The following RTF1 variants were observed in gnomAD, a reference collection of about 807,000 sequenced individuals.
RTF1 encodes the protein RNA polymerase-associated protein RTF1 homolog.
In RTF1, 10 loss-of-function variants were observed where a neutral mutation model predicts 95.7. The observed-to-expected ratio is 0.10, with a 90% CI of 0.06 to 0.18. RTF1 has a LOEUF of 0.18. Among genes scored for constraint, RTF1 ranks in the 10% least tolerant of loss-of-function variants. RTF1 has a pLI of 1.00. For missense variants in RTF1, 458 were observed against 875.6 expected (o/e 0.52, Z 6.02); for synonymous variants, 305 against 311.8 (o/e 0.98, Z 0.23).
chr15:41,477,204 C>G lies in RTF1; in HGVS notation c.1600C>G (p.Gln534Glu), dbSNP rs750980762. 3.1e-6 allele frequency: 5 copies of G among 1,614,230 alleles called. No individual in the cohort carries two copies. Among genetic ancestry groups the G allele is most frequent in the African/African-American group, 2.7e-5 (2 of 75,058 alleles). The part of the protein sequence containing the change: ...EDLGDQDKAK[Q>E]IQDQLNELEE... The stretch of plus-strand genomic sequence containing the variant: ...CCTGGGGGATCAGGACAAGGCCAAA[C>G]AAATCCAAGATCAACTGAATGAGCT... Residue 534 changes from glutamine to glutamate, a missense_variant, in exon 13 of 18, where the codon CAA (glutamine) becomes GAA (glutamate). By Grantham distance (29) the Gln-to-Glu change is conservative. Transcript: ENST00000389629.
intron 4 of RTF1, among the ~76,000 whole-genome samples, chr15:41,464,195 G>A (rs748094178): frequency 4.6e-5 from 7 of 150,822 alleles, no homozygotes; most frequent in Non-Finnish European, 8.9e-5. Context: ...TCACTCTGTC[G>A]CCCAGGCTAG....
At chr15:41,478,788 G>T in intron 15 of RTF1, 163 bp downstream of exon 15, 1 of 644,828 alleles carries the variant, frequency 1.6e-6, no homozygotes, top group Non-Finnish European at 2.7e-6. Context: ...TCTTGCTATA[G>T]GACATATCGG....
At chr15:41,418,343 A>G (rs925684599) in intron 1 of RTF1, among the ~76,000 whole-genome samples, 3 of 152,202 alleles carry the variant, frequency 2.0e-5, no homozygotes, top group African/African-American at 7.2e-5. Flanking sequence ...TTTTCTAGCT[A>G]TATATCTTTG....
chr15:41,417,960 G>A (rs2050580239), intron 1 of RTF1, among the ~76,000 whole-genome samples: 1 of 152,154 alleles, frequency 6.6e-6, no homozygotes, highest in Non-Finnish European at 1.5e-5. Context: ...AGGAAAGAGG[G>A]CAGATACTGG....
chr15:41,475,651 G>A (rs781282950), intron 10 of RTF1, 39 bp downstream of exon 10: 19 of 1,602,424 alleles, frequency 1.2e-5, no homozygotes, highest in African/African-American at 2.7e-5. Context: ...GTTCGTGCAC[G>A]TTGAGAAAAT....
In RTF1 at chr15:41,475,511, T is replaced by G. The variant is rs776634339; in HGVS notation, c.1287-14T>G. ...ATGCACATTTCTTGGAGATGCTGTCTCTCTTTTATGTAGGCATGGCAATGA... is the reference window on the plus strand; with the variant it reads ...ATGCACATTTCTTGGAGATGCTGTCGCTCTTTTATGTAGGCATGGCAATGA... On this transcript the variant is annotated splice_polypyrimidine_tract_variant and intron_variant, in intron 9 of 17. Coordinates refer to ENST00000389629, the MANE Select transcript of RTF1 (RefSeq NM_015138.5). 9 of 1,610,754 alleles carry G rather than the reference T, an allele frequency of 5.6e-6. No homozygotes were observed. In the South Asian group the frequency reaches 9.9e-5, roughly 18 times the overall value.
At chr15:41,445,208 TACAGGC>T (rs2050754882) in intron 2 of RTF1, among the ~76,000 whole-genome samples, 1 of 152,214 alleles carries the variant, frequency 6.6e-6, no homozygotes, top group Non-Finnish European at 1.5e-5. Flanking sequence ...GTGCTGGGAT[TACAGGC>T]GTGAGCCACT....
intron 4 of RTF1, among the ~76,000 whole-genome samples, chr15:41,460,490 CTG>C (rs2050842117): frequency 6.6e-6 from 1 of 152,134 alleles, no homozygotes; most frequent in Admixed American, 6.6e-5. Flanking sequence ...ACTTAATAAA[CTG>C]TGCTGGAGTT....
chr15:41,478,705 A>G, intron 15 of RTF1, 80 bp downstream of exon 15: 1 of 1,212,046 alleles, frequency 8.3e-7, no homozygotes, highest in Non-Finnish European at 1.2e-6. Context: ...ATTAATAATG[A>G]AGTTAAAAAT....
At chr15:41,470,541 C>A in intron 7 of RTF1, 149 bp downstream of exon 7, 1 of 801,606 alleles carries the variant, frequency 1.2e-6, no homozygotes. Flanking sequence ...AGCACGTCAG[C>A]CCATTCATTT....
chr15:41,462,862 C>T (rs2050858140), intron 4 of RTF1, among the ~76,000 whole-genome samples: 1 of 152,098 alleles, frequency 6.6e-6, no homozygotes. Flanking sequence ...TTCAAGCAAT[C>T]CTCCCACCTC....
intron 1 of RTF1, among the ~76,000 whole-genome samples, chr15:41,428,035 G>C (rs2050645792): frequency 1.3e-5 from 2 of 151,032 alleles, no homozygotes; most frequent in Non-Finnish European, 3.0e-5. Flanking sequence ...GATCTGCCTG[G>C]CTTGGCCTCC....
intron 4 of RTF1, among the ~76,000 whole-genome samples, chr15:41,460,121 G>GTTTTTTT (rs869235078): frequency 3.6e-5 from 3 of 83,434 alleles, no homozygotes; most frequent in Non-Finnish European, 5.2e-5. Flanking sequence ...TTTTGTTTTT[G>GTTTTTTT]TTTTTTTTTT....
intron 14 of RTF1, among the ~76,000 whole-genome samples, chr15:41,477,883 A>G (rs2050949818): frequency 6.6e-6 from 1 of 152,090 alleles, no homozygotes; most frequent in African/African-American, 2.4e-5. Context: ...AGGCGGGTGG[A>G]TCACCTGGGG....
chr15:41,469,447 C>T (rs1320465745), intron 6 of RTF1, among the ~76,000 whole-genome samples: 2 of 151,542 alleles, frequency 1.3e-5, no homozygotes, highest in Non-Finnish European at 2.9e-5. Flanking sequence ...GTCCCAAACC[C>T]CTGAGCTCAA....
At chr15:41,430,645 G>A (rs1348797961) in intron 1 of RTF1, among the ~76,000 whole-genome samples, 1 of 151,534 alleles carries the variant, frequency 6.6e-6, no homozygotes, top group African/African-American at 2.4e-5. Context: ...GAAGGCTGAG[G>A]TGGGAGAATC....
At chr15:41,447,118 G>C (rs2140955741) in intron 2 of RTF1, among the ~76,000 whole-genome samples, 1 of 152,152 alleles carries the variant, frequency 6.6e-6, no homozygotes, top group Admixed American at 6.6e-5. Flanking sequence ...TGTTATTCTT[G>C]AACCTTACTT....
At chr15:41,463,969 A>G (rs2050866359) in intron 4 of RTF1, among the ~76,000 whole-genome samples, 1 of 151,588 alleles carries the variant, frequency 6.6e-6, no homozygotes, top group Non-Finnish European at 1.5e-5. Flanking sequence ...CTTCTGCCTC[A>G]GCCTCCCGAG....
chr15:41,452,450 T>A (rs1485748376), intron 2 of RTF1, among the ~76,000 whole-genome samples: 1 of 150,868 alleles, frequency 6.6e-6, no homozygotes, highest in Non-Finnish European at 1.5e-5. Context: ...AACAAAAATC[T>A]ATGCCAGGTG....
Sources: gnomAD v4.1 joint callset for allele counts (sites outside exome capture counted in the v4.1 genomes callset) on GRCh38, gnomAD v4.1.1 for gene constraint, MANE v1.5 for transcripts, NCBI Gene and HGNC (gene_info 2026-07-23, HGNC 2026-07-21) for gene names.